The following KLHL14 variants were observed in gnomAD, a reference collection of about 807,000 sequenced individuals.
KLHL14 encodes kelch-like protein 14.
A neutral mutation model predicts 64.3 loss-of-function variants in KLHL14; 22 were observed. The observed-to-expected ratio is 0.34, with a 90% confidence interval of 0.24 to 0.49. The LOEUF is 0.49. Ranked by LOEUF, KLHL14 falls within the 20% of genes least tolerant of loss-of-function variation. The pLI, the probability that KLHL14 is intolerant of heterozygous loss-of-function variation, is 0.99. For missense variants in KLHL14, 661 were observed against 789.0 expected (o/e 0.84, Z 1.94); for synonymous variants, 322 against 333.4 (o/e 0.97, Z 0.37).
intron 3 of KLHL14, among the ~76,000 whole-genome samples, chr18:32,731,400 C>T (rs545240608): frequency 3.3e-4 from 50 of 152,244 alleles, no homozygotes; most frequent in African/African-American, 1.0e-3. Context: ...AAACCAAATA[C>T]TGCATGTTCT....
At chr18:32,748,142 G>A (rs930048039) in intron 2 of KLHL14, among the ~76,000 whole-genome samples, 2 of 152,164 alleles carry the variant, frequency 1.3e-5, no homozygotes, top group African/African-American at 4.8e-5. Flanking sequence ...AGACCTCTTA[G>A]CTAAGGTGAG....
chr18:32,766,959 T>C (rs2050349214), intron 2 of KLHL14, among the ~76,000 whole-genome samples: 1 of 152,178 alleles, frequency 6.6e-6, no homozygotes, highest in African/African-American at 2.4e-5. Context: ...TTTGAAGTTA[T>C]TCTATTTGCT....
chr18:32,766,931 TAAAC>T (rs2050349104), intron 2 of KLHL14, among the ~76,000 whole-genome samples: 1 of 152,170 alleles, frequency 6.6e-6, no homozygotes, highest in Non-Finnish European at 1.5e-5. Context: ...AATATACTCT[TAAAC>T]AAGTAAATTC....
chr18:32,704,518 T>A (rs2049980846), intron 3 of KLHL14, among the ~76,000 whole-genome samples: 1 of 151,232 alleles, frequency 6.6e-6, no homozygotes, highest in Admixed American at 6.6e-5. Context: ...AGGTCAGGAG[T>A]TTGAGACCAG....
At chr18:32,703,137 C>T (rs1351721638) in intron 3 of KLHL14, among the ~76,000 whole-genome samples, 4 of 152,178 alleles carry the variant, frequency 2.6e-5, no homozygotes, top group Non-Finnish European at 4.4e-5. Flanking sequence ...GATCTATGAG[C>T]CCCTGAAGGC....
At chr18:32,674,994 A>C (rs2049804180) in intron 8 of KLHL14, among the ~76,000 whole-genome samples, 197 bp from the exon 9 acceptor site, 1 of 152,192 alleles carries the variant, frequency 6.6e-6, no homozygotes, top group Non-Finnish European at 1.5e-5. Flanking sequence ...TTTCAAAAAA[A>C]ATTTTTTTGT....
chr18:32,676,102 G>A (rs1001416305), intron 8 of KLHL14, among the ~76,000 whole-genome samples: 4 of 152,092 alleles, frequency 2.6e-5, no homozygotes, highest in Non-Finnish European at 4.4e-5. Flanking sequence ...AGCCACCTTC[G>A]CAGGTGTTTT....
intron 3 of KLHL14, among the ~76,000 whole-genome samples, chr18:32,718,196 G>T (rs2049335): frequency 0.24 from 36,550 of 152,064 alleles, 4,602 homozygotes; most frequent in Middle Eastern, 0.32. Flanking sequence ...TCTGCTCAAA[G>T]ATTTTTGGTG....
chr18:32,718,496 T>TGTA (rs2050057660), intron 3 of KLHL14, among the ~76,000 whole-genome samples: 1 of 152,218 alleles, frequency 6.6e-6, no homozygotes, highest in Non-Finnish European at 1.5e-5. Flanking sequence ...GTTCTGAATG[T>TGTA]GTAGGTGACA....
intron 3 of KLHL14, among the ~76,000 whole-genome samples, chr18:32,724,031 T>C (rs2050092895): frequency 6.6e-6 from 1 of 152,056 alleles, no homozygotes; most frequent in South Asian, 2.1e-4. Context: ...ATAAATCCAG[T>C]TGGAAAAAAA....
At chr18:32,748,878 GATATA>G (rs540384492) in intron 2 of KLHL14, among the ~76,000 whole-genome samples, 113 of 152,266 alleles carry the variant, frequency 7.4e-4, no homozygotes, top group African/African-American at 2.6e-3. Flanking sequence ...AGAATTAAAA[GATATA>G]ATATATGTAA....
intron 4 of KLHL14, among the ~76,000 whole-genome samples, chr18:32,690,270 T>TC (rs1300856802): frequency 6.6e-6 from 1 of 152,168 alleles, no homozygotes; most frequent in African/African-American, 2.4e-5. Flanking sequence ...AACGGTATCA[T>TC]CTGCAGATGT....
At chr18:32,733,721 T>A (rs2050148146) in intron 3 of KLHL14, 1 of 161,762 alleles carries the variant, frequency 6.2e-6, no homozygotes, top group Non-Finnish European at 1.4e-5. Context: ...AAAAGAAGGA[T>A]CTCCCACAGG....
chr18:32,748,981 C>T (rs1418923711), intron 2 of KLHL14, among the ~76,000 whole-genome samples: 1 of 152,126 alleles, frequency 6.6e-6, no homozygotes, highest in African/African-American at 2.4e-5. Context: ...CATCATTATC[C>T]TCATCCTCAT....
intron 2 of KLHL14, among the ~76,000 whole-genome samples, chr18:32,762,092 A>AT (rs2050317435): frequency 6.6e-6 from 1 of 152,074 alleles, no homozygotes; most frequent in African/African-American, 2.4e-5. Flanking sequence ...ACAACAATGG[A>AT]TTTAAAAAAA....
intron 2 of KLHL14, among the ~76,000 whole-genome samples, chr18:32,746,697 T>C (rs1442163784): frequency 1.3e-5 from 2 of 152,232 alleles, no homozygotes; most frequent in African/African-American, 4.8e-5. Context: ...TTAGGCAAAA[T>C]TCATTTTACA....
rs139808282 is a variant in KLHL14, at chr18:32,770,193, G to A, written c.399C>T (p.Ile133=). ...GGTACTCGAGCACCAGGCGCAGCCC[G>A]ATGGACGAGCAGCCCTGCAGCACCA... The part of the protein sequence containing the change: ...NNLVLQGCSS[I]GLRLVLEYLY... The change falls in exon 2 of 9, where the codon ATC becomes ATT. Residue 133 remains isoleucine, a synonymous_variant. Coordinates refer to ENST00000359358, the MANE Select transcript of KLHL14 (RefSeq NM_020805.3). The surrounding 1 kb of genome is among the most constrained non-coding windows in gnomAD (Gnocchi z 6.7). 458 of 1,613,112 alleles carry A rather than the reference G, an allele frequency of 2.8e-4. 1 individual carries two copies. The highest frequency in any genetic ancestry group is 3.6e-4 in the Non-Finnish European group (430 of 1,179,214).
chr18:32,702,496 GAC>G (rs1406488603), intron 3 of KLHL14, among the ~76,000 whole-genome samples: 18 of 151,652 alleles, frequency 1.2e-4, no homozygotes. Flanking sequence ...GATAGAAACA[GAC>G]ACACAGTAAA....
At chr18:32,726,412 C>A (rs2144515572) in intron 3 of KLHL14, among the ~76,000 whole-genome samples, 1 of 152,150 alleles carries the variant, frequency 6.6e-6, no homozygotes, top group South Asian at 2.1e-4. Context: ...TCACTTAAGG[C>A]CAGGAGTTCA....
Sources: allele counts gnomAD v4.1 joint callset (sites outside exome capture counted in the v4.1 genomes callset), GRCh38; gene constraint gnomAD v4.1.1; non-coding constraint Gnocchi (gnomAD v3.1); transcripts MANE v1.5; gene names NCBI Gene and HGNC (gene_info 2026-07-23, HGNC 2026-07-21).